The following FBXL13 variants were observed in gnomAD, a reference collection of about 807,000 sequenced individuals.
FBXL13 encodes the protein F-box and leucine-rich repeat protein 13.
In FBXL13, 67 loss-of-function variants were observed where a neutral mutation model predicts 83.6. The ratio of observed to expected loss-of-function variants is 0.80; its 90% CI spans 0.66 to 0.98. The LOEUF is 0.98. Among genes scored for constraint, FBXL13 ranks in the 50% least tolerant of loss-of-function variants. FBXL13 has a pLI of 0.00. For missense variants in FBXL13, 822 were observed against 866.5 expected, an observed-to-expected ratio of 0.95 and a Z score of 0.64; for synonymous variants, 272 against 299.5, an observed-to-expected ratio of 0.91 and a Z score of 0.95.
intron 10 of FBXL13, among the ~76,000 whole-genome samples, chr7:102,914,314 C>G (rs1388349100): frequency 6.6e-6 from 1 of 152,208 alleles, no homozygotes; most frequent in Non-Finnish European, 1.5e-5. Flanking sequence ...CTCAGGTGAT[C>G]CACCCGCCTT....
At chr7:102,844,790 GT>G (rs1372909796) in intron 17 of FBXL13, among the ~76,000 whole-genome samples, 1 of 152,156 alleles carries the variant, frequency 6.6e-6, no homozygotes, top group African/African-American at 2.4e-5. Context: ...CCAATCGCAA[GT>G]CCCAGGTTGT....
intron 6 of FBXL13, among the ~76,000 whole-genome samples, chr7:103,020,704 G>T (rs550191757): frequency 1.8e-3 from 271 of 152,268 alleles, no homozygotes; most frequent in Non-Finnish European, 3.2e-3. Flanking sequence ...CAAACAGAGA[G>T]CCAAATCATG....
At chr7:102,911,576 T>C (rs2129468653) in intron 11 of FBXL13, among the ~76,000 whole-genome samples, 1 of 152,304 alleles carries the variant, frequency 6.6e-6, no homozygotes, top group African/African-American at 2.4e-5. Context: ...TTGATGATTA[T>C]ATATCAAAGG....
chr7:102,921,665 G>A (rs370813365), intron 10 of FBXL13, among the ~76,000 whole-genome samples: 4 of 152,152 alleles, frequency 2.6e-5, no homozygotes, highest in East Asian at 3.9e-4. Flanking sequence ...GGGCGACAGA[G>A]CAAGATTCCA....
intron 6 of FBXL13, among the ~76,000 whole-genome samples, chr7:103,023,662 CACAT>C (rs1793489755): frequency 6.6e-6 from 1 of 152,170 alleles, no homozygotes; most frequent in Non-Finnish European, 1.5e-5. Flanking sequence ...ACCATAAAGA[CACAT>C]GCATGCATAT....
chr7:102,961,329 TAA>T (rs1451171082), intron 8 of FBXL13, among the ~76,000 whole-genome samples: 1 of 146,418 alleles, frequency 6.8e-6, no homozygotes, highest in Non-Finnish European at 1.5e-5. Flanking sequence ...CTCAAGGAAA[TAA>T]AAGAGGATAC....
chr7:102,879,380 C>T (rs1360922256), intron 14 of FBXL13, among the ~76,000 whole-genome samples: 2 of 151,706 alleles, frequency 1.3e-5, no homozygotes, highest in African/African-American at 2.4e-5. Flanking sequence ...GCCTGTGTGC[C>T]CATCAACCTT....
chr7:102,859,260 C>T (rs1806469774), intron 16 of FBXL13, among the ~76,000 whole-genome samples: 1 of 152,148 alleles, frequency 6.6e-6, no homozygotes, highest in East Asian at 1.9e-4. Flanking sequence ...ATCTTTGTAA[C>T]TGAGCAGCAA....
chr7:103,000,186 C>T (rs77454218), intron 6 of FBXL13, among the ~76,000 whole-genome samples: 1,675 of 152,114 alleles, frequency 0.011, 35 homozygotes, highest in African/African-American at 0.039. Flanking sequence ...GTATGTTGGT[C>T]AATTTCCATG....
chr7:102,979,236 A>AT (rs1325862377), intron 6 of FBXL13, among the ~76,000 whole-genome samples: 2 of 152,178 alleles, frequency 1.3e-5, no homozygotes, highest in African/African-American at 4.8e-5. Context: ...TGTCAGGAAG[A>AT]TCCCTAATTT....
At chr7:103,053,462 T>C (rs974136576) in intron 2 of FBXL13, among the ~76,000 whole-genome samples, 2 of 152,238 alleles carry the variant, frequency 1.3e-5, no homozygotes, top group African/African-American at 4.8e-5. Flanking sequence ...CAGAATTCTC[T>C]GCAGTTTTTA....
chr7:102,919,367 G>A (rs1439545198), intron 10 of FBXL13, among the ~76,000 whole-genome samples: 4 of 151,960 alleles, frequency 2.6e-5, no homozygotes, highest in African/African-American at 7.3e-5. Flanking sequence ...GAATAAAATC[G>A]GATCTAAAAA....
intron 6 of FBXL13, among the ~76,000 whole-genome samples, chr7:103,011,877 C>T (rs893770031): frequency 6.6e-6 from 1 of 152,146 alleles, no homozygotes; most frequent in African/African-American, 2.4e-5. Context: ...GACTCACTGG[C>T]GTCCTTGAAA....
intron 6 of FBXL13, chr7:102,973,008 G>A (rs1435370000): frequency 6.5e-6 from 1 of 154,934 alleles, no homozygotes; most frequent in African/African-American, 2.4e-5. Context: ...ATTAAATCAG[G>A]TTAATAATTA....
intron 6 of FBXL13, among the ~76,000 whole-genome samples, chr7:102,989,125 GAACA>G (rs1407289024): frequency 6.6e-6 from 1 of 152,142 alleles, no homozygotes; most frequent in East Asian, 1.9e-4. Context: ...ACTCACAGAG[GAACA>G]AACAATTGAG....
chr7:102,884,125 G>A, intron 12 of FBXL13, 89 bp downstream of exon 13: 1 of 935,174 alleles, frequency 1.1e-6, no homozygotes, highest in South Asian at 1.5e-5. Flanking sequence ...AAAATGAAAA[G>A]TCCATTCATA....
At chr7:102,932,053 A>AAAGTCAGCATTCCGTAAGG in intron 8 of FBXL13, 120 bp from the exon 10 acceptor site, 1 of 892,068 alleles carries the variant, frequency 1.1e-6, no homozygotes, top group African/African-American at 1.7e-5. Flanking sequence ...TTGGCAAGTA[A>AAAGTCAGCATTCCGTAAGG]CATGTTCTAA....
intron 2 of FBXL13, among the ~76,000 whole-genome samples, chr7:103,031,604 G>C (rs1295242515): frequency 6.6e-6 from 1 of 152,054 alleles, no homozygotes; most frequent in African/African-American, 2.4e-5. Context: ...GCTATCCCCA[G>C]ACACCCGTAG....
chr7:102,921,029 G>A (rs1331783402), intron 10 of FBXL13, among the ~76,000 whole-genome samples: 3 of 152,058 alleles, frequency 2.0e-5, no homozygotes, highest in Admixed American at 2.0e-4. Context: ...GCGGGCACCT[G>A]TAATCCCAGC....
Sources: allele counts gnomAD v4.1 joint callset (sites outside exome capture counted in the v4.1 genomes callset), GRCh38; gene constraint gnomAD v4.1.1; transcripts MANE v1.5; gene names NCBI Gene and HGNC (gene_info 2026-07-23, HGNC 2026-07-21).